Variants in SNTG1 observed in about 807,000 individuals in gnomAD.
SNTG1 encodes the protein syntrophin gamma 1.
Under a neutral mutation model 74.7 loss-of-function variants are expected in SNTG1, and 39 were observed. The ratio of observed to expected loss-of-function variants is 0.52; its 90% CI spans 0.40 to 0.68. The LOEUF (loss-of-function observed/expected upper bound fraction) is 0.68. Among genes scored for constraint, SNTG1 ranks in the 30% least tolerant of loss-of-function variants. The probability of loss-of-function intolerance (pLI) is 0.00; values close to 1 mark genes in which losing one functional copy is unlikely to be tolerated. For missense variants in SNTG1, 685 were observed against 609.5 expected, an observed-to-expected ratio of 1.12 and a Z score of -1.30; for synonymous variants, 254 against 217.1, an observed-to-expected ratio of 1.17 and a Z score of -1.49.
intron 18 of SNTG1, among the ~76,000 whole-genome samples, chr8:50,762,246 CA>C (rs1307281734): frequency 6.6e-6 from 1 of 151,962 alleles, no homozygotes; most frequent in Admixed American, 6.6e-5. Context: ...TGAAGTCTAA[CA>C]TATCTTTAGA....
chr8:50,429,921 C>A, intron 4 of SNTG1, among the ~76,000 whole-genome samples: 1 of 152,020 alleles, frequency 6.6e-6, no homozygotes, highest in East Asian at 1.9e-4. Flanking sequence ...AACTTTATAT[C>A]AATTAGGGTG....
At chr8:50,518,550 C>T (rs947861945) in intron 9 of SNTG1, among the ~76,000 whole-genome samples, 1 of 151,260 alleles carries the variant, frequency 6.6e-6, no homozygotes, top group Non-Finnish European at 1.5e-5. Flanking sequence ...ACATAATAGA[C>T]CACTATCCAG....
In SNTG1 at chr8:50,324,705, C is replaced by T. The variant is rs980322668; in HGVS notation, c.-27-69507C>T. Among the ~76,000 whole-genome samples, 4 of 152,010 alleles carry T rather than the reference C, an allele frequency of 2.6e-5. No individual in the cohort carries two copies. The East Asian group carries it at 7.7e-4, about 29-fold the overall frequency. On this transcript the variant is annotated intron_variant, in intron 2 of 18. Transcript: ENST00000642720. ...TTTTCCCCAATATATGGCTTCTCTT[C>T]TCATTTCCTTGAGAGTGTCAATTGT...
At chr8:50,368,299 T>G in intron 2 of SNTG1, among the ~76,000 whole-genome samples, 1 of 152,122 alleles carries the variant, frequency 6.6e-6, no homozygotes, top group Admixed American at 6.6e-5. Context: ...ACTTGGCTAT[T>G]TACCAGATAC....
chr8:50,255,935 C>A (rs1053645789), intron 2 of SNTG1, among the ~76,000 whole-genome samples: 1 of 152,172 alleles, frequency 6.6e-6, no homozygotes, highest in Admixed American at 6.5e-5. Context: ...GACAGGCAAA[C>A]CCTACCTTGC....
At chr8:50,131,149 A>T (rs1308006215) in intron 1 of SNTG1, among the ~76,000 whole-genome samples, 1 of 152,098 alleles carries the variant, frequency 6.6e-6, no homozygotes, top group Non-Finnish European at 1.5e-5. Context: ...AATAATGTAA[A>T]ATATGTGTAT....
intron 18 of SNTG1, among the ~76,000 whole-genome samples, chr8:50,774,366 C>T (rs1289379701): frequency 6.6e-6 from 1 of 151,786 alleles, no homozygotes; most frequent in Non-Finnish European, 1.5e-5. Flanking sequence ...ATAAAAATGA[C>T]TCACAACATG....
At chr8:49,916,276 G>A (rs1032673536) in intron 1 of SNTG1, among the ~76,000 whole-genome samples, 1 of 151,960 alleles carries the variant, frequency 6.6e-6, no homozygotes, top group Non-Finnish European at 1.5e-5. Context: ...TTAAAATAAT[G>A]TCTTGAGGCC....
At chr8:50,077,128 A>G (rs921240393) in intron 1 of SNTG1, among the ~76,000 whole-genome samples, 12 of 152,214 alleles carry the variant, frequency 7.9e-5, no homozygotes, top group Non-Finnish European at 1.8e-4. Context: ...CAAATGCACA[A>G]CACAACATCC....
At chr8:50,329,116 T>C (rs990054697) in intron 2 of SNTG1, among the ~76,000 whole-genome samples, 1 of 152,190 alleles carries the variant, frequency 6.6e-6, no homozygotes, top group Non-Finnish European at 1.5e-5. Context: ...GTCACACTGA[T>C]GTAAAAGTTG....
intron 2 of SNTG1, among the ~76,000 whole-genome samples, chr8:50,352,798 A>G (rs770064385): frequency 1.3e-5 from 2 of 152,198 alleles, no homozygotes; most frequent in Non-Finnish European, 2.9e-5. Flanking sequence ...GCTTCTCAGA[A>G]TGCCTTTATT....
intron 13 of SNTG1, among the ~76,000 whole-genome samples, chr8:50,616,473 G>C (rs1009324765): frequency 3.9e-5 from 6 of 152,162 alleles, no homozygotes; most frequent in Admixed American, 3.9e-4. Flanking sequence ...ACAGGATTCA[G>C]CTGCTGCTAC....
intron 17 of SNTG1, among the ~76,000 whole-genome samples, chr8:50,748,853 C>T (rs1294736928): frequency 2.0e-5 from 3 of 151,892 alleles, no homozygotes; most frequent in Admixed American, 6.6e-5. Context: ...CTCCACTGAC[C>T]GTTTCCCACC....
chr8:50,472,922 T>G (rs1050308719), intron 8 of SNTG1, among the ~76,000 whole-genome samples: 3 of 151,848 alleles, frequency 2.0e-5, no homozygotes, highest in African/African-American at 7.3e-5. Flanking sequence ...AAAAAACATA[T>G]GAAAAAATGC....
At chr8:50,108,524 A>C (rs203624) in intron 1 of SNTG1, among the ~76,000 whole-genome samples, 81,719 of 152,068 alleles carry the variant, frequency 0.54, 24,503 homozygotes, top group East Asian at 0.84. Context: ...ATACTGTACA[A>C]AAAGCAAGAT....
In SNTG1 at chr8:50,792,798, C is replaced by T. The variant is rs777246179; in HGVS notation, c.1523C>T (p.Ala508Val). 53 of 1,612,064 alleles carry T rather than the reference C, an allele frequency of 3.3e-5. No homozygotes were observed. The highest frequency in any genetic ancestry group is 4.2e-5 in the Non-Finnish European group (50 of 1,178,734). The change falls in exon 19 of 19, where the codon GCT (alanine) becomes GTT (valine). Residue 508 changes from alanine (A) to valine (V), a missense_variant. Coordinates refer to ENST00000642720, the MANE Select transcript of SNTG1 (RefSeq NM_018967.5). The part of the protein sequence containing the change: ...QATASTAASS[A>V]TTSKAKYTT ...ACTGCTTCTACTGCTGCCAGCTCTG[C>T]TACCACGAGCAAAGCAAAGTATACA...
At chr8:50,565,423 G>C (rs2094510989) in intron 12 of SNTG1, among the ~76,000 whole-genome samples, 1 of 152,048 alleles carries the variant, frequency 6.6e-6, no homozygotes, top group African/African-American at 2.4e-5. Context: ...GAGACTAGCT[G>C]TGTGGTATAT....
At chr8:50,138,401 C>T (rs1320117741) in intron 1 of SNTG1, among the ~76,000 whole-genome samples, 6 of 151,628 alleles carry the variant, frequency 4.0e-5, no homozygotes, top group Middle Eastern at 3.2e-3. Context: ...GTGGGTCAAC[C>T]GAGGTCAGGA....
chr8:50,757,695 G>C (rs573256975), intron 18 of SNTG1, among the ~76,000 whole-genome samples: 9 of 151,950 alleles, frequency 5.9e-5, no homozygotes, highest in African/African-American at 1.7e-4. Flanking sequence ...GATACAGTTG[G>C]ATGAATATCC....
Sources: gnomAD v4.1 joint callset for allele counts (sites outside exome capture counted in the v4.1 genomes callset) on GRCh38, gnomAD v4.1.1 for gene constraint, MANE v1.5 for transcripts, NCBI Gene and HGNC (gene_info 2026-07-23, HGNC 2026-07-21) for gene names.